Variants in ATR observed in about 807,000 individuals in gnomAD.
The protein encoded by ATR is ATR checkpoint kinase.
ATR carries 142 observed loss-of-function variants against 305.3 expected under a neutral mutation model. The observed-to-expected ratio is 0.47, with a 90% CI of 0.41 to 0.53. ATR has a LOEUF of 0.53. Ranked by LOEUF, ATR falls within the 20% of genes least tolerant of loss-of-function variation. The pLI, the probability that ATR is intolerant of heterozygous loss-of-function variation, is 0.00. For missense variants in ATR, 2,135 were observed against 3,133.1 expected (o/e 0.68, Z 7.60); for synonymous variants, 1,050 against 1,068.1 (o/e 0.98, Z 0.33).
At chr3:142,505,517 C>T (rs2032190780) in intron 28 of ATR, among the ~76,000 whole-genome samples, 1 of 152,096 alleles carries the variant, frequency 6.6e-6, no homozygotes, top group African/African-American at 2.4e-5. Flanking sequence ...CTTTTAAATA[C>T]AAATCTATAT....
chr3:142,451,086 C>T, intron 46 of ATR: 2 of 1,279,140 alleles, frequency 1.6e-6, no homozygotes, highest in Non-Finnish European at 2.0e-6. Context: ...GGTTTGTCTA[C>T]CTGGTCAATT....
chr3:142,482,156 T>C lies in ATR; in HGVS notation c.6221+2984A>G, dbSNP rs150496066. ...TGATATCTAATCACACATTCTATTA[T>C]GTACCATTATTTAAATGTTTTATGT... On this transcript the variant is annotated intron_variant, in intron 36 of 46. Transcript: ENST00000350721. 2.4e-4 allele frequency among the ~76,000 whole-genome samples: 37 copies of C among 152,298 alleles called. 1 individual carries two copies. Among genetic ancestry groups the C allele is most frequent in the African/African-American group, 7.5e-4 (31 of 41,554 alleles).
At chr3:142,556,654 A>T (rs2034684962) in intron 8 of ATR, 79 bp from the exon 9 acceptor site, 1 of 1,341,002 alleles carries the variant, frequency 7.5e-7, no homozygotes, top group Admixed American at 2.0e-5. Context: ...ATATAAGTAA[A>T]GTAACATTTG....
In ATR at chr3:142,519,716, T is replaced by C; in HGVS notation, c.4335A>G (p.Arg1445=). 6.2e-7 allele frequency: 1 copy of C among 1,614,072 alleles called. No individual in the cohort carries two copies. Among genetic ancestry groups the C allele is most frequent in the Non-Finnish European group, 8.5e-7 (1 of 1,179,972 alleles). Residue 1445 remains arginine, a synonymous_variant, in exon 24 of 47, where the codon AGA becomes AGG. Coordinates refer to ENST00000350721, the MANE Select transcript of ATR (RefSeq NM_001184.4). The part of the protein sequence containing the change: ...TNGPGHQLWR[R]FPEHVREILE... The stretch of plus-strand genomic sequence containing the variant: ...GTATTTCCCGAACATGCTCAGGAAA[T>C]CTCCTCCACAATTGGTGACCTGGGC...
chr3:142,560,566 T>A, intron 5 of ATR, 112 bp from the exon 6 acceptor site: 4 of 1,029,784 alleles, frequency 3.9e-6, no homozygotes, highest in South Asian at 3.4e-5. Flanking sequence ...TCAAAAAAAT[T>A]TTTTTTTTTT....
intron 2 of ATR, among the ~76,000 whole-genome samples, chr3:142,567,258 A>G (rs928589650): frequency 6.6e-6 from 1 of 152,200 alleles, no homozygotes. Flanking sequence ...GAATAAGGAG[A>G]AACAGGTATC....
intron 41 of ATR, among the ~76,000 whole-genome samples, chr3:142,462,895 T>G (rs970464064): frequency 3.3e-5 from 5 of 152,220 alleles, no homozygotes; most frequent in Admixed American, 2.6e-4. Context: ...GAAGAAAGCC[T>G]TACATATTTC....
At chr3:142,534,282 C>T (rs894575505) in intron 21 of ATR, among the ~76,000 whole-genome samples, 3 of 152,058 alleles carry the variant, frequency 2.0e-5, no homozygotes. Context: ...AGAGGAGATT[C>T]AAGGCTCCTC....
Position 142,537,603 on chromosome 3 carries a change from T to C in ATR, c.3725+879A>G, listed in dbSNP as rs552261763. ...ACATTAACTTTTCCTTCTTCTATGA[T>C]TTCTCCCTCATTAGACAGTTACTGC... On this transcript the variant is annotated intron_variant, in intron 19 of 46. Coordinates refer to ENST00000350721, the MANE Select transcript of ATR (RefSeq NM_001184.4). Among the ~76,000 whole-genome samples the C allele has an allele frequency of 5.4e-4, 82 of 152,292 alleles. 1 individual carries two copies. Among genetic ancestry groups the C allele is most frequent in the Admixed American group, 2.2e-3 (34 of 15,284 alleles).
Position 142,549,607 on chromosome 3 carries a change from G to A in ATR, c.3043C>T (p.Arg1015Ter), listed in dbSNP as rs1453839157. ...KASPAASALI[R>*]TLGKQLNVNR... The stretch of plus-strand genomic sequence containing the variant: ...ACATTTAATTGTTTTCCTAAAGTTC[G>A]AATGAGAGCAGAAGCTGCAGGGCTT... Residue 1015 changes from arginine (R) to a stop codon, truncating the protein, a stop_gained, in exon 15 of 47, where the codon CGA becomes TGA. Transcript: ENST00000350721. LOFTEE classifies it high-confidence loss of function. 10 of 1,613,346 alleles carry A rather than the reference G, an allele frequency of 6.2e-6. No homozygotes were observed. Among genetic ancestry groups the A allele is most frequent in the Admixed American group, 3.3e-5 (2 of 59,936 alleles).
chr3:142,514,065 C>T (rs993009819), intron 25 of ATR, among the ~76,000 whole-genome samples: 1 of 150,810 alleles, frequency 6.6e-6, no homozygotes, highest in Non-Finnish European at 1.5e-5. Flanking sequence ...GTCAAGAGAT[C>T]GAGACCATCC....
intron 24 of ATR, among the ~76,000 whole-genome samples, chr3:142,518,452 G>T (rs1458266287): frequency 2.0e-5 from 3 of 152,190 alleles, no homozygotes; most frequent in Admixed American, 2.0e-4. Context: ...AGGAGGTAGA[G>T]GCTGCAGTGA....
chr3:142,474,674 A>G (rs1422452281), intron 36 of ATR, among the ~76,000 whole-genome samples: 1 of 152,172 alleles, frequency 6.6e-6, no homozygotes, highest in African/African-American at 2.4e-5. Flanking sequence ...GTCTGCAAAT[A>G]GAAAAAAATT....
chr3:142,541,155 A>G (rs778019397), intron 17 of ATR, 121 bp from the exon 18 acceptor site: 255 of 1,276,488 alleles, frequency 2.0e-4, no homozygotes, highest in Non-Finnish European at 2.7e-4. Context: ...AGATAATACA[A>G]AAGATTGAAT....
intron 36 of ATR, among the ~76,000 whole-genome samples, chr3:142,480,811 T>A (rs1273096083): frequency 1.3e-5 from 2 of 152,232 alleles, no homozygotes; most frequent in African/African-American, 4.8e-5. Flanking sequence ...CCAGCCTTGC[T>A]GCCGCCTTGC....
At position 142,556,495 on chromosome 3, in the gene ATR, A is replaced by G. The variant is rs1052378174; in HGVS notation, c.1966T>C (p.Tyr656His). 6.2e-7 allele frequency: 1 copy of G among 1,613,976 alleles called. No homozygotes were observed. Among genetic ancestry groups the G allele is most frequent in the African/African-American group, 1.3e-5 (1 of 74,930 alleles). The change falls in exon 9 of 47, where the codon TAC becomes CAC. Residue 656 changes from tyrosine to histidine, a missense_variant. By Grantham distance (83) the Tyr-to-His change is moderately conservative (BLOSUM62 2). Around this residue, in one of 9 missense-constraint regions of ATR, gnomAD observed 744 missense variants for 873.2 expected, o/e 0.85. Transcript: ENST00000350721. Reference protein sequence around the residue: ...RIFLEWRTAVYNWALQSSHEV... With the variant: ...RIFLEWRTAVHNWALQSSHEV... ...TGGGAGCTCTGCAGGGCCCAGTTGT[A>G]AACTGCTGTTCTCCACTCAAGGAAT... is the stretch of plus-strand genomic sequence containing the variant.
chr3:142,476,157 G>T (rs920778953), intron 36 of ATR, among the ~76,000 whole-genome samples: 10 of 152,186 alleles, frequency 6.6e-5, no homozygotes, highest in Non-Finnish European at 1.2e-4. Context: ...TTTTAGACAT[G>T]AAGTCCTTGC....
intron 12 of ATR, 88 bp downstream of exon 12, chr3:142,553,552 T>C: frequency 6.9e-7 from 1 of 1,459,368 alleles, no homozygotes; most frequent in Non-Finnish European, 9.5e-7. Flanking sequence ...ATATCACAAA[T>C]ATCATATCAC....
intron 45 of ATR, among the ~76,000 whole-genome samples, chr3:142,456,782 C>T (rs1406331170): frequency 6.6e-6 from 1 of 152,030 alleles, no homozygotes; most frequent in Non-Finnish European, 1.5e-5. Context: ...AGACAATAAC[C>T]AGGATAGATA....
Sources: allele counts gnomAD v4.1 joint callset (sites outside exome capture counted in the v4.1 genomes callset), GRCh38; gene constraint gnomAD v4.1.1; regional missense constraint gnomAD v4.1.1; transcripts MANE v1.5; gene names NCBI Gene and HGNC (gene_info 2026-07-23, HGNC 2026-07-21).